The following LAMA1 variants were observed in gnomAD, a reference collection of about 807,000 sequenced individuals.
LAMA1 encodes the protein laminin subunit alpha-1.
In LAMA1, 219 loss-of-function variants were observed where a neutral mutation model predicts 348.7. That is an observed-to-expected ratio of 0.63 (90% CI 0.56 to 0.70). LAMA1 has a LOEUF of 0.70. LAMA1 is among the 30% of genes least tolerant of loss of function. LAMA1 has a pLI of 0.00. For missense variants in LAMA1, 3,744 were observed against 3,888.0 expected (o/e 0.96, Z 0.99); for synonymous variants, 1,487 against 1,491.0 (o/e 1.00, Z 0.06).
chr18:7,002,412 G>A, intron 29 of LAMA1, 27 bp from the exon 30 acceptor site: 1 of 1,608,688 alleles, frequency 6.2e-7, no homozygotes, highest in Non-Finnish European at 8.5e-7. Context: ...AAAGGAAGGG[G>A]GAAAAAATGG....
intron 42 of LAMA1, among the ~76,000 whole-genome samples, chr18:6,979,752 A>G (rs1465131498): frequency 4.0e-5 from 6 of 151,774 alleles, no homozygotes; most frequent in Middle Eastern, 3.5e-3. Flanking sequence ...ACAAAAAATT[A>G]GCCGGGGACG....
At chr18:7,063,662 T>A (rs2058111352) in intron 3 of LAMA1, among the ~76,000 whole-genome samples, 1 of 152,230 alleles carries the variant, frequency 6.6e-6, no homozygotes, top group Non-Finnish European at 1.5e-5. Flanking sequence ...GGAATATTAT[T>A]CAGTCTTTAA....
intron 48 of LAMA1, among the ~76,000 whole-genome samples, chr18:6,971,243 G>A (rs2057657024): frequency 6.6e-6 from 1 of 152,160 alleles, no homozygotes; most frequent in Admixed American, 6.5e-5. Context: ...GTTGCACTTG[G>A]TAAGGTTAAG....
chr18:7,090,406 T>C (rs1307842316), intron 1 of LAMA1, among the ~76,000 whole-genome samples: 1 of 151,596 alleles, frequency 6.6e-6, no homozygotes, highest in African/African-American at 2.4e-5. Flanking sequence ...CTGGGAGTAT[T>C]TTTTTTTAAG....
rs138444568 is a variant in LAMA1, at chr18:7,100,899, A to T, written c.61+16761T>A. Among the ~76,000 whole-genome samples, 644 of 152,188 alleles carry T rather than the reference A, an allele frequency of 4.2e-3. 11 individuals are homozygous for T. Among genetic ancestry groups the T allele is most frequent in the African/African-American group, 0.015 (613 of 41,530 alleles). On this transcript the variant is annotated intron_variant, in intron 1 of 62. Coordinates refer to ENST00000389658, the MANE Select transcript of LAMA1 (RefSeq NM_005559.4). ...GTGGCAGGTGCCTGTAATCCCAGCT[A>T]CTCGGGAGTCTGAGGCAGGACAATC...
At position 7,032,936 on chromosome 18, in the gene LAMA1, C is replaced by T. The variant is rs1400360958; in HGVS notation, c.2163+48G>A. 2.2e-6 allele frequency: 3 copies of T among 1,392,186 alleles called. No homozygotes were observed. In the South Asian group the frequency reaches 3.7e-5, roughly 17 times the overall value. The allele number at this position is 1,392,186 out of a possible 1,614,324, so 86.2% of individuals were successfully genotyped here. On this transcript the variant is annotated intron_variant, in intron 15 of 62. Coordinates refer to ENST00000389658, the MANE Select transcript of LAMA1 (RefSeq NM_005559.4). ...ACATCCCCTTCAGTGCACTGTTTTC[C>T]CCTTAGGAAGGAACGAAAGGAAAAA...
chr18:7,013,909 C>T lies in LAMA1; in HGVS notation c.3269G>A (p.Cys1090Tyr), dbSNP rs762530971. 5.0e-6 allele frequency: 8 copies of T among 1,613,644 alleles called. No individual in the cohort carries two copies. The highest frequency in any genetic ancestry group is 6.8e-6 in the Non-Finnish European group (8 of 1,179,734). The change falls in exon 23 of 63, where the codon TGT becomes TAT. Residue 1090 changes from cysteine to tyrosine, a missense_variant. Transcript: ENST00000389658. The stretch of plus-strand genomic sequence containing the variant: ...CGACGTCCCCCTCAGGTCACAGTCA[C>T]AGGGAACACAGTCGGGAAAGTCTCT... ...GYRDFPDCVP[C>Y]DCDLRGTSGD...
intron 1 of LAMA1, among the ~76,000 whole-genome samples, chr18:7,102,490 C>T (rs1470233783): frequency 6.6e-6 from 1 of 152,000 alleles, no homozygotes; most frequent in Non-Finnish European, 1.5e-5. Context: ...TCTGCAGTCA[C>T]ATTAGAGTAT....
intron 53 of LAMA1, chr18:6,960,243 C>A (rs190339791): frequency 1.9e-5 from 3 of 154,130 alleles, no homozygotes; most frequent in African/African-American, 7.2e-5. Context: ...AGCATTTATT[C>A]ATAATAGCTA....
At chr18:7,103,883 G>C (rs570235892) in intron 1 of LAMA1, among the ~76,000 whole-genome samples, 1 of 151,664 alleles carries the variant, frequency 6.6e-6, no homozygotes, top group East Asian at 1.9e-4. Flanking sequence ...GCCAGCCCCT[G>C]CCCCTCCCCA....
Position 7,026,082 on chromosome 18 carries a change from C to T in LAMA1, c.2299G>A (p.Val767Ile), listed in dbSNP as rs149611371. The T allele has an allele frequency of 5.3e-4, 853 of 1,611,296 alleles. 8 individuals carry two copies. In the African/African-American group the frequency reaches 9.8e-3, roughly 18 times the overall value. ...CCGGGCAAGCACTGCTCACAGTGGA[C>T]GCCGGTGGTGTTGTGCGCACACGCC... ...CIACAHNTTG[V>I]HCEQCLPGFY... is the part of the protein sequence containing the mutation. The change falls in exon 17 of 63, where the codon GTC (valine) becomes ATC (isoleucine). Residue 767 changes from valine to isoleucine, a missense_variant. By Grantham distance (29) the Val-to-Ile change is conservative. Transcript: ENST00000389658.
chr18:7,008,542 T>C lies in LAMA1; in HGVS notation c.4068A>G (p.Ala1356=), dbSNP rs761632840. Residue 1356 remains alanine (A), a synonymous_variant, in exon 28 of 63, where the codon GCA becomes GCG. Coordinates refer to ENST00000389658, the MANE Select transcript of LAMA1 (RefSeq NM_005559.4). Reference sequence around the variant, plus strand: ...GACAGACACAATTCTCTAAAAGAGATGCAACCTCTTCTTCTGGGTGCAGCT... The same window carrying C: ...GACAGACACAATTCTCTAAAAGAGACGCAACCTCTTCTTCTGGGTGCAGCT... The part of the protein sequence containing the change: ...AEKLHPEEEV[A]SLLENCVCPP... 1.5e-5 allele frequency: 24 copies of C among 1,613,994 alleles called. No individual in the cohort carries two copies. The highest frequency in any genetic ancestry group is 3.3e-5 in the Admixed American group (2 of 59,992).
chr18:7,087,747 C>T, intron 1 of LAMA1, among the ~76,000 whole-genome samples: 1 of 152,166 alleles, frequency 6.6e-6, no homozygotes, highest in East Asian at 1.9e-4. Context: ...GTCAGGCAGC[C>T]CCCAGTGTGA....
At position 6,976,126 on chromosome 18, in the gene LAMA1, C is replaced by A. The variant is rs528028588; in HGVS notation, c.6346-46G>T. ...TGTCCCCATCATTTAGTGACACACA[C>A]CGGCAGCTCACCAGCAGCTCAACAA... On this transcript the variant is annotated intron_variant, in intron 44 of 62. Coordinates refer to ENST00000389658, the MANE Select transcript of LAMA1 (RefSeq NM_005559.4). 5.6e-6 allele frequency: 9 copies of A among 1,604,328 alleles called. No individual in the cohort carries two copies. In the South Asian group the frequency reaches 9.9e-5, roughly 18 times the overall value.
At chr18:6,960,311 T>A (rs2057600887) in intron 53 of LAMA1, 1 of 152,792 alleles carries the variant, frequency 6.5e-6, no homozygotes, top group East Asian at 1.9e-4. Context: ...CACTGTGGTA[T>A]GTATATACAG....
chr18:7,004,071 C>T (rs2057820831), intron 29 of LAMA1, among the ~76,000 whole-genome samples: 1 of 152,112 alleles, frequency 6.6e-6, no homozygotes, highest in African/African-American at 2.4e-5. Flanking sequence ...ACACCAACTC[C>T]CTCTGACTTA....
chr18:6,965,171 A>C, intron 50 of LAMA1, 117 bp downstream of exon 50: 1 of 1,328,130 alleles, frequency 7.5e-7, no homozygotes, highest in South Asian at 1.2e-5. Context: ...CTGGCTTCCA[A>C]GTAGACTATC....
intron 4 of LAMA1, among the ~76,000 whole-genome samples, chr18:7,049,797 GATATACTATATACTTAAA>G (rs2058055613): frequency 6.6e-6 from 1 of 152,126 alleles, no homozygotes; most frequent in African/African-American, 2.4e-5. Flanking sequence ...CACTGTCTCA[GATATACTATATACTTAAA>G]ATCTGTATGT....
At chr18:7,097,833 C>T (rs893761220) in intron 1 of LAMA1, among the ~76,000 whole-genome samples, 12 of 150,422 alleles carry the variant, frequency 8.0e-5, no homozygotes, top group Non-Finnish European at 1.5e-4. Context: ...CTCTCCCTCT[C>T]CCTCTCCCCT....
Sources: gnomAD v4.1 joint callset for allele counts (sites outside exome capture counted in the v4.1 genomes callset) on GRCh38, gnomAD v4.1.1 for gene constraint, MANE v1.5 for transcripts, NCBI Gene and HGNC (gene_info 2026-07-23, HGNC 2026-07-21) for gene names.